Variants in FAT3 observed in about 807,000 individuals in gnomAD.
FAT3 encodes the protein protocadherin Fat 3.
In FAT3, 95 loss-of-function variants were observed where a neutral mutation model predicts 310.2. The observed-to-expected ratio is 0.31, with a 90% CI of 0.26 to 0.36. The LOEUF (loss-of-function observed/expected upper bound fraction) is 0.36. Ranked by LOEUF, FAT3 falls within the 10% of genes least tolerant of loss-of-function variation. The probability of loss-of-function intolerance (pLI) is 1.00; values close to 1 mark genes in which losing one functional copy is unlikely to be tolerated. For missense variants in FAT3, 5,408 were observed against 5,715.6 expected, an observed-to-expected ratio of 0.95 and a Z score of 1.74; for synonymous variants, 2,314 against 2,192.9, an observed-to-expected ratio of 1.06 and a Z score of -1.54.
intron 3 of FAT3, among the ~76,000 whole-genome samples, chr11:92,525,841 C>G (rs754090149): frequency 1.3e-5 from 2 of 152,100 alleles, no homozygotes; most frequent in Admixed American, 6.5e-5. Context: ...AACTACTAAT[C>G]TAGTTGATGG....
At chr11:92,319,781 C>T (rs1010649147) in intron 1 of FAT3, among the ~76,000 whole-genome samples, 1 of 152,294 alleles carries the variant, frequency 6.6e-6, no homozygotes, top group South Asian at 2.1e-4. Context: ...ACAGGCAATC[C>T]TCTTGCCATT....
At chr11:92,334,801 G>A (rs1948014301) in intron 1 of FAT3, among the ~76,000 whole-genome samples, 1 of 152,178 alleles carries the variant, frequency 6.6e-6, no homozygotes, top group Admixed American at 6.5e-5. Context: ...GCCAGCATAT[G>A]TGAAACCTGT....
At position 92,354,310 on chromosome 11, in the gene FAT3, T is replaced by C. The variant is rs267603241; in HGVS notation, c.2198T>C (p.Val733Ala). ...TTTGACAAGTCTTTTCCTTCTGATG[T>C]GGCTGTAAAGGAGGATCTGCCAGTT... ...PYFDKSFPSD[V>A]AVKEDLPVGA... Residue 733 changes from valine (V) to alanine (A), a missense_variant, in exon 2 of 28, where the codon GTG (valine) becomes GCG (alanine). Physicochemically the swap from Val to Ala is moderately conservative, Grantham distance 64. Coordinates refer to ENST00000525166, the MANE Select transcript of FAT3 (RefSeq NM_001367949.2). 8.9e-5 allele frequency: 144 copies of C among 1,613,784 alleles called. No homozygotes were observed. The highest frequency in any genetic ancestry group is 1.2e-4 in the Non-Finnish European group (141 of 1,179,842).
rs549044825 is a variant in FAT3, at chr11:92,391,282, C to T, written c.3292+35878C>T. 5.9e-5 allele frequency among the ~76,000 whole-genome samples: 9 copies of T among 152,216 alleles called. No individual in the cohort carries two copies. The South Asian group carries it at 1.0e-3, about 18-fold the overall frequency. On this transcript the variant is annotated intron_variant, in intron 2 of 27. Coordinates refer to ENST00000525166, the MANE Select transcript of FAT3 (RefSeq NM_001367949.2). ...AAGTGGTATCTAGGGGACAGACCGT[C>T]GAAGACCCAGATGTGTTCCTGCAAC...
At chr11:92,724,759 G>T (rs553909417) in intron 4 of FAT3, among the ~76,000 whole-genome samples, 60 of 152,258 alleles carry the variant, frequency 3.9e-4, no homozygotes, top group African/African-American at 1.4e-3. Flanking sequence ...TTTAAATTTT[G>T]CTTCAAACTG....
intron 3 of FAT3, among the ~76,000 whole-genome samples, chr11:92,564,119 A>G (rs1955342442): frequency 6.6e-6 from 1 of 152,236 alleles, no homozygotes; most frequent in South Asian, 2.1e-4. Context: ...AAGACCCATC[A>G]GTGTGCTGTA....
At chr11:92,337,216 G>A (rs12283458) in intron 1 of FAT3, among the ~76,000 whole-genome samples, 11,367 of 152,198 alleles carry the variant, frequency 0.075, 594 homozygotes, top group African/African-American at 0.14. Flanking sequence ...TTTCTTTAAT[G>A]CCTGGTACTT....
At chr11:92,388,242 C>G (rs1266735827) in intron 2 of FAT3, among the ~76,000 whole-genome samples, 3 of 152,074 alleles carry the variant, frequency 2.0e-5, no homozygotes, top group East Asian at 3.9e-4. Context: ...GTGCCCTCAC[C>G]TTGTGGCTGA....
chr11:92,758,477 G>C (rs576106938), intron 4 of FAT3, among the ~76,000 whole-genome samples: 1 of 152,304 alleles, frequency 6.6e-6, no homozygotes, highest in East Asian at 1.9e-4. Flanking sequence ...GGAGCTATAA[G>C]AGCATGGCAT....
chr11:92,832,137 C>A, intron 14 of FAT3, 126 bp downstream of exon 14: 1 of 1,082,044 alleles, frequency 9.2e-7, no homozygotes, highest in South Asian at 1.7e-5. Context: ...TCAGGACTAG[C>A]CTGGACAACA....
Position 92,840,791 on chromosome 11 carries a change from G to T in FAT3, c.10566+32G>T, listed in dbSNP as rs369484409. On this transcript the variant is annotated intron_variant, in intron 18 of 27. Coordinates refer to ENST00000525166, the MANE Select transcript of FAT3 (RefSeq NM_001367949.2). Reference sequence around the variant, plus strand: ...CATCGCACTCTGTCTCCGTCGTGCTGTCTTTCTTTCTCATGCTTGTTTCTG... The same window carrying T: ...CATCGCACTCTGTCTCCGTCGTGCTTTCTTTCTTTCTCATGCTTGTTTCTG... 3.7e-5 allele frequency: 55 copies of T among 1,488,186 alleles called. No individual in the cohort carries two copies. In the African/African-American group the frequency reaches 6.5e-4, roughly 18 times the overall value. 92.2% of individuals were successfully genotyped at this position (1,488,186 alleles called of 1,614,324 possible).
rs915344577 is a variant in FAT3 at position 92,368,495 on chromosome 11, A to G, written c.3292+13091A>G. Among the ~76,000 whole-genome samples, 4 of 152,232 alleles carry G rather than the reference A, an allele frequency of 2.6e-5. No individual in the cohort carries two copies. In the South Asian group the frequency reaches 8.3e-4, roughly 31 times the overall value. On this transcript the variant is annotated intron_variant, in intron 2 of 27. Transcript: ENST00000525166. ...TTTGTCAACAAAAGAAAAAACTTAC[A>G]GTGCATTTTTAACTTGTATGCTGCA... is the stretch of plus-strand genomic sequence containing the variant.
At chr11:92,621,635 G>A (rs1941093902) in intron 3 of FAT3, among the ~76,000 whole-genome samples, 1 of 152,132 alleles carries the variant, frequency 6.6e-6, no homozygotes, top group South Asian at 2.1e-4. Context: ...GTTTCTTTTA[G>A]CATTAATGAT....
intron 3 of FAT3, among the ~76,000 whole-genome samples, chr11:92,563,466 A>C (rs187370779): frequency 1.9e-3 from 286 of 152,302 alleles, no homozygotes; most frequent in African/African-American, 6.4e-3. Context: ...AGGTTATTCA[A>C]ATATATTATT....
intron 2 of FAT3, among the ~76,000 whole-genome samples, chr11:92,450,564 A>C (rs928344850): frequency 6.6e-6 from 1 of 152,198 alleles, no homozygotes; most frequent in African/African-American, 2.4e-5. Flanking sequence ...AGCAGCAGCA[A>C]GAATTTGCTG....
chr11:92,321,721 C>T (rs1160711431), intron 1 of FAT3, among the ~76,000 whole-genome samples: 2 of 144,436 alleles, frequency 1.4e-5, no homozygotes, highest in Non-Finnish European at 3.1e-5. Context: ...TTTGTGTAGA[C>T]TTGGGGGTGC....
intron 4 of FAT3, among the ~76,000 whole-genome samples, chr11:92,749,617 G>C (rs1945774381): frequency 1.3e-5 from 2 of 152,152 alleles, no homozygotes; most frequent in Admixed American, 1.3e-4. Flanking sequence ...GGTTCTTTGG[G>C]ACATATGAGA....
chr11:92,474,584 A>G (rs900562120), intron 2 of FAT3, among the ~76,000 whole-genome samples: 1 of 152,110 alleles, frequency 6.6e-6, no homozygotes. Flanking sequence ...AAGGCCTTAG[A>G]CAAGGGACCA....
intron 1 of FAT3, among the ~76,000 whole-genome samples, chr11:92,328,550 A>G (rs1484693913): frequency 1.3e-5 from 2 of 152,210 alleles, no homozygotes; most frequent in Non-Finnish European, 2.9e-5. Flanking sequence ...GTTCAGGGTT[A>G]TCTGCCTAGA....
Sources: allele counts gnomAD v4.1 joint callset (sites outside exome capture counted in the v4.1 genomes callset), GRCh38; gene constraint gnomAD v4.1.1; transcripts MANE v1.5; gene names NCBI Gene and HGNC (gene_info 2026-07-23, HGNC 2026-07-21).